Variants in RBFOX1 observed in about 807,000 individuals in gnomAD.
The protein encoded by RBFOX1 is RNA binding fox-1 homolog 1.
Under a neutral mutation model 57.7 loss-of-function variants are expected in RBFOX1, and 8 were observed. The observed-to-expected ratio is 0.14, with a 90% CI of 0.08 to 0.25. The LOEUF (loss-of-function observed/expected upper bound fraction) is 0.25, where lower values mean the gene tolerates loss of function less well. Among genes scored for constraint, RBFOX1 ranks in the 10% least tolerant of loss-of-function variants. The pLI is 1.00. For missense variants in RBFOX1, 611 were observed against 548.5 expected (o/e 1.11, Z -1.14); for synonymous variants, 326 against 222.4 (o/e 1.47, Z -4.15).
rs371247261 is a variant in RBFOX1, at chr16:5,920,106, T to C, written c.351+52771T>C. On this transcript the variant is annotated intron_variant, in intron 4 of 19. Coordinates refer to the RBFOX1 transcript ENST00000641259. The stretch of plus-strand genomic sequence containing the variant: ...CCGCCACCACACCCAGCTAATTTTT[T>C]GCATTTTTTGGTAGAGACGGGATTT... Among the ~76,000 whole-genome samples, 10 of 152,296 alleles carry C rather than the reference T, an allele frequency of 6.6e-5. No individual in the cohort carries two copies. In the East Asian group the frequency reaches 1.7e-3, roughly 27 times the overall value.
chr16:6,946,274 T>C (rs1291994731), intron 3 of RBFOX1, among the ~76,000 whole-genome samples: 1 of 152,236 alleles, frequency 6.6e-6, no homozygotes, highest in Non-Finnish European at 1.5e-5. Context: ...ACAATAGCCA[T>C]AGACAATAAC....
intron 2 of RBFOX1, among the ~76,000 whole-genome samples, chr16:5,584,270 C>G (rs758401759): frequency 5.3e-5 from 8 of 152,158 alleles, no homozygotes; most frequent in Non-Finnish European, 1.0e-4. Context: ...TGTAATAATC[C>G]GTGTCTCTTT....
chr16:7,242,649 A>T (rs765785688), intron 4 of RBFOX1, among the ~76,000 whole-genome samples: 1 of 152,218 alleles, frequency 6.6e-6, no homozygotes, highest in Non-Finnish European at 1.5e-5. Flanking sequence ...CATGCAGTCA[A>T]TTCAGTCCAA....
chr16:5,275,088 C>T (rs1234929698), intron 1 of RBFOX1, among the ~76,000 whole-genome samples: 3 of 152,202 alleles, frequency 2.0e-5, no homozygotes, highest in Non-Finnish European at 2.9e-5. Flanking sequence ...CCACAATCCG[C>T]CTGTCAAGTC....
chr16:5,869,583 G>T (rs1394553801), intron 4 of RBFOX1, among the ~76,000 whole-genome samples: 2 of 152,044 alleles, frequency 1.3e-5, no homozygotes, highest in Non-Finnish European at 2.9e-5. Context: ...TGTATTTTTA[G>T]TAGAGATGGG....
intron 4 of RBFOX1, among the ~76,000 whole-genome samples, chr16:7,322,248 A>C (rs553351451): frequency 3.9e-5 from 6 of 152,368 alleles, no homozygotes; most frequent in Non-Finnish European, 7.3e-5. Flanking sequence ...CTTCTTAAGC[A>C]CAGACTTGCT....
chr16:6,163,602 T>TGA (rs1167329796), intron 1 of RBFOX1, among the ~76,000 whole-genome samples: 1 of 152,222 alleles, frequency 6.6e-6, no homozygotes, highest in East Asian at 1.9e-4. Flanking sequence ...TCTGTAAGCC[T>TGA]GAGAAGTCTC....
intron 2 of RBFOX1, among the ~76,000 whole-genome samples, chr16:6,620,244 C>T (rs1323589782): frequency 6.6e-6 from 1 of 152,194 alleles, no homozygotes; most frequent in Non-Finnish European, 1.5e-5. Context: ...TCCTAGATGA[C>T]TTCTGGGTCA....
At chr16:5,556,512 C>T (rs2045682964) in intron 2 of RBFOX1, among the ~76,000 whole-genome samples, 1 of 152,168 alleles carries the variant, frequency 6.6e-6, no homozygotes, top group African/African-American at 2.4e-5. Flanking sequence ...TAAAGAAATG[C>T]TCAATGCTTG....
chr16:6,985,100 C>G (rs1005209631), intron 3 of RBFOX1, among the ~76,000 whole-genome samples: 2 of 152,016 alleles, frequency 1.3e-5, no homozygotes, highest in Admixed American at 6.6e-5. Context: ...CCTCTCCCCT[C>G]TCCTTCCTTC....
intron 4 of RBFOX1, among the ~76,000 whole-genome samples, chr16:7,129,912 T>G (rs1446823970): frequency 6.6e-6 from 1 of 152,044 alleles, no homozygotes; most frequent in Non-Finnish European, 1.5e-5. Context: ...AGATGATAAG[T>G]GGAACCCTGC....
intron 2 of RBFOX1, among the ~76,000 whole-genome samples, chr16:6,640,123 GTTTC>G (rs1209794345): frequency 3.3e-5 from 5 of 152,168 alleles, no homozygotes; most frequent in East Asian, 1.9e-4. Flanking sequence ...GGGTACACTG[GTTTC>G]TTTCTTAATG....
chr16:6,532,686 T>G (rs978494873), intron 2 of RBFOX1, among the ~76,000 whole-genome samples: 2 of 152,178 alleles, frequency 1.3e-5, no homozygotes, highest in African/African-American at 4.8e-5. Flanking sequence ...ACTTTTCTGC[T>G]CTGGATTCCT....
At chr16:6,469,751 G>A (rs2095132334) in intron 2 of RBFOX1, among the ~76,000 whole-genome samples, 1 of 152,142 alleles carries the variant, frequency 6.6e-6, no homozygotes, top group African/African-American at 2.4e-5. Flanking sequence ...TCGGAACTTT[G>A]AGCTTCCTGC....
intron 3 of RBFOX1, among the ~76,000 whole-genome samples, chr16:6,701,557 G>T (rs2061856102): frequency 6.6e-6 from 1 of 152,170 alleles, no homozygotes; most frequent in South Asian, 2.1e-4. Context: ...TTCTATTTCT[G>T]GTGGAAGGTG....
At chr16:6,087,669 T>C (rs1399649126) in intron 1 of RBFOX1, among the ~76,000 whole-genome samples, 1 of 152,000 alleles carries the variant, frequency 6.6e-6, no homozygotes, top group Non-Finnish European at 1.5e-5. Context: ...TTTTTTTTTT[T>C]TTTGAGATGG....
At chr16:7,006,099 T>C (rs1167270450) in intron 3 of RBFOX1, among the ~76,000 whole-genome samples, 2 of 152,190 alleles carry the variant, frequency 1.3e-5, no homozygotes, top group Non-Finnish European at 1.5e-5. Context: ...AATACAGGTG[T>C]ACATTTAAAC....
At chr16:7,029,865 T>C (rs567571440) in intron 3 of RBFOX1, among the ~76,000 whole-genome samples, 1 of 152,322 alleles carries the variant, frequency 6.6e-6, no homozygotes, top group Admixed American at 6.5e-5. Context: ...TTGATTCTTA[T>C]GTCCATTCAT....
At chr16:6,283,502 T>C (rs1446127455) in intron 1 of RBFOX1, among the ~76,000 whole-genome samples, 2 of 152,184 alleles carry the variant, frequency 1.3e-5, no homozygotes, top group African/African-American at 2.4e-5. Flanking sequence ...CTTGGTGTTA[T>C]GGCACTGGTT....
Sources: allele counts gnomAD v4.1 joint callset (sites outside exome capture counted in the v4.1 genomes callset), GRCh38; gene constraint gnomAD v4.1.1; transcripts MANE v1.5; gene names NCBI Gene and HGNC (gene_info 2026-07-23, HGNC 2026-07-21).